The following VPS13B variants were observed in gnomAD, a reference collection of about 807,000 sequenced individuals.
VPS13B encodes the protein vacuolar protein sorting 13 homolog B.
VPS13B carries 285 observed loss-of-function variants against 426.4 expected under a neutral mutation model. The ratio of observed to expected loss-of-function variants is 0.67; its 90% CI spans 0.61 to 0.74. The LOEUF is 0.74. Among genes scored for constraint, VPS13B ranks in the 30% least tolerant of loss-of-function variants. The pLI is 0.00. For missense variants in VPS13B, 4,537 were observed against 4,782.6 expected (o/e 0.95, Z 1.51); for synonymous variants, 1,676 against 1,676.4 (o/e 1.00, Z 0.01).
chr8:99,282,197 C>T (rs1243048259), intron 19 of VPS13B, among the ~76,000 whole-genome samples: 1 of 152,162 alleles, frequency 6.6e-6, no homozygotes, highest in Non-Finnish European at 1.5e-5. Context: ...TCCACCACCC[C>T]ACCAATTAAA....
chr8:99,863,401 C>T (rs1008914449), intron 58 of VPS13B, among the ~76,000 whole-genome samples: 2 of 152,004 alleles, frequency 1.3e-5, no homozygotes, highest in South Asian at 2.1e-4. Flanking sequence ...TTTTGCAATT[C>T]GGGACCTGTT....
intron 17 of VPS13B, among the ~76,000 whole-genome samples, chr8:99,257,337 A>G (rs1320574595): frequency 6.6e-6 from 1 of 152,204 alleles, no homozygotes; most frequent in African/African-American, 2.4e-5. Flanking sequence ...GAGTTCTTAT[A>G]GTAAAAAAAT....
intron 16 of VPS13B, among the ~76,000 whole-genome samples, chr8:99,192,646 A>T (rs1813667200): frequency 6.6e-6 from 1 of 152,174 alleles, no homozygotes. Context: ...TGTGTAGGTG[A>T]ATATGTGTGT....
chr8:99,694,995 G>A (rs1372910135), intron 35 of VPS13B, among the ~76,000 whole-genome samples: 1 of 149,684 alleles, frequency 6.7e-6, no homozygotes, highest in African/African-American at 2.5e-5. Flanking sequence ...AAACCACTAT[G>A]AGATATCATC....
At chr8:99,766,063 T>A (rs1460825976) in intron 39 of VPS13B, among the ~76,000 whole-genome samples, 11 of 139,376 alleles carry the variant, frequency 7.9e-5, no homozygotes, top group African/African-American at 3.0e-4. Flanking sequence ...GGCACCTTCA[T>A]TACTTTTTTT....
rs201527408 is a variant in VPS13B at position 99,636,581 on chromosome 8, T to C, written c.5221-5230T>C. On this transcript the variant is annotated intron_variant, in intron 33 of 61. Transcript: ENST00000357162. The stretch of plus-strand genomic sequence containing the variant: ...TTCATATGTTAAGAGTACACATCCT[T>C]TCCTCATTAGTTGGAAAGTACAGGG... Among the ~76,000 whole-genome samples the C allele has an allele frequency of 2.5e-4, 38 of 152,158 alleles. No individual in the cohort carries two copies. The East Asian group carries it at 7.1e-3, about 29-fold the overall frequency.
In VPS13B at chr8:99,511,526, A is replaced by AT. The variant is rs756149542; in HGVS notation, c.4633+22dup. ...CAACTGTTGAAGGTATTGTCTTCTG[A>AT]TTTTTTTTGTCTGATTTTAAATAAT... On this transcript the variant is annotated intron_variant, in intron 29 of 61. Coordinates refer to ENST00000357162, the MANE Select transcript of VPS13B (RefSeq NM_152564.5). The AT allele has an allele frequency of 9.9e-5, 159 of 1,604,926 alleles. 1 individual carries two copies. Among genetic ancestry groups the AT allele is most frequent in the Middle Eastern group, 8.3e-4 (5 of 6,020 alleles).
intron 31 of VPS13B, among the ~76,000 whole-genome samples, chr8:99,561,802 A>G (rs1455528774): frequency 6.6e-6 from 1 of 152,240 alleles, no homozygotes; most frequent in Non-Finnish European, 1.5e-5. Flanking sequence ...TCTGTACACT[A>G]CAATTTGTCT....
chr8:99,440,015 A>G (rs1039272191), intron 22 of VPS13B, among the ~76,000 whole-genome samples: 1 of 152,162 alleles, frequency 6.6e-6, no homozygotes, highest in Non-Finnish European at 1.5e-5. Context: ...TATCTTCAGT[A>G]TATGATACTT....
intron 9 of VPS13B, 50 bp from the exon 10 acceptor site, chr8:99,134,961 TAACA>T (rs1809998112): frequency 6.2e-7 from 1 of 1,606,348 alleles, no homozygotes; most frequent in South Asian, 1.1e-5. Flanking sequence ...GGAAAGCCTC[TAACA>T]TTTTTATTAA....
intron 2 of VPS13B, among the ~76,000 whole-genome samples, chr8:99,024,075 G>T (rs1266729641): frequency 6.6e-6 from 1 of 152,056 alleles, no homozygotes; most frequent in African/African-American, 2.4e-5. Flanking sequence ...TTGTTTGTTT[G>T]TTTGTTTGTT....
chr8:99,181,902 A>T (rs1181328334), intron 16 of VPS13B, among the ~76,000 whole-genome samples: 1 of 152,160 alleles, frequency 6.6e-6, no homozygotes, highest in Non-Finnish European at 1.5e-5. Flanking sequence ...TGAAAAAATT[A>T]TTGTATACAG....
At chr8:99,386,440 C>T (rs1183664097) in intron 20 of VPS13B, among the ~76,000 whole-genome samples, 1 of 152,106 alleles carries the variant, frequency 6.6e-6, no homozygotes, top group Non-Finnish European at 1.5e-5. Flanking sequence ...GACATCTGGG[C>T]TATAATCCAT....
At chr8:99,475,840 A>G (rs910422674) in intron 24 of VPS13B, among the ~76,000 whole-genome samples, 2 of 152,140 alleles carry the variant, frequency 1.3e-5, no homozygotes, top group Non-Finnish European at 2.9e-5. Context: ...CTTTTTTTCT[A>G]GAATTACTCC....
intron 19 of VPS13B, among the ~76,000 whole-genome samples, chr8:99,287,240 A>G (rs62534563): frequency 0.64 from 85,428 of 133,352 alleles, 25,778 homozygotes; most frequent in South Asian, 0.67. Flanking sequence ...CTGTCTATCT[A>G]TCTATCTATC....
intron 39 of VPS13B, among the ~76,000 whole-genome samples, chr8:99,748,829 G>A (rs143076602): frequency 2.0e-5 from 3 of 151,964 alleles, no homozygotes; most frequent in South Asian, 2.1e-4. Context: ...TATGGAATGC[G>A]CAAGATTTGG....
Position 99,858,546 on chromosome 8 carries a change from G to A in VPS13B, c.10868-758G>A, listed in dbSNP as rs548022764. ...ACTAAAAATACAAAATCAGCCAGGC[G>A]TGGTGGCATGTGCCTGTAATCTCAG... On this transcript the variant is annotated intron_variant, in intron 56 of 61. Coordinates refer to ENST00000357162, the MANE Select transcript of VPS13B (RefSeq NM_152564.5). Among the ~76,000 whole-genome samples the A allele has an allele frequency of 1.8e-4, 27 of 152,268 alleles. No individual in the cohort carries two copies. The South Asian group carries it at 2.5e-3, about 14-fold the overall frequency.
intron 19 of VPS13B, among the ~76,000 whole-genome samples, chr8:99,360,166 CTT>C (rs1812447086): frequency 8.2e-5 from 3 of 36,430 alleles, no homozygotes; most frequent in South Asian, 1.6e-3. Context: ...TTCTTTCTTT[CTT>C]TCTTTCTTTC....
Position 99,359,978 on chromosome 8 carries a change from T to G in VPS13B, c.2825-24230T>G, listed in dbSNP as rs573244424. Among the ~76,000 whole-genome samples the G allele has an allele frequency of 2.0e-5, 3 of 152,112 alleles. No homozygotes were observed. In the East Asian group the frequency reaches 5.8e-4, roughly 29 times the overall value. On this transcript the variant is annotated intron_variant, in intron 19 of 61. Transcript: ENST00000357162. ...GCACCATGCCCAGCTAACTTTTGTA[T>G]TTTTAGTAGAGATGGGGTTTCACCA...
Sources: gnomAD v4.1 joint callset for allele counts (sites outside exome capture counted in the v4.1 genomes callset) on GRCh38, gnomAD v4.1.1 for gene constraint, MANE v1.5 for transcripts, NCBI Gene and HGNC (gene_info 2026-07-23, HGNC 2026-07-21) for gene names.